DUSP22: variants seen among roughly 807,000 people sequenced by gnomAD.
DUSP22 encodes the protein dual specificity protein phosphatase 22.
DUSP22 carries 24 observed loss-of-function variants against 24.5 expected under a neutral mutation model. That is an observed-to-expected ratio of 0.98 (90% confidence interval 0.71 to 1.38). The LOEUF (loss-of-function observed/expected upper bound fraction) is 1.38. Among genes scored for constraint, DUSP22 ranks in the 40% most tolerant of loss-of-function variants. The pLI is 0.00. For missense variants in DUSP22, 330 were observed against 269.2 expected, an observed-to-expected ratio of 1.23 and a Z score of -1.58; for synonymous variants, 160 against 106.4, an observed-to-expected ratio of 1.50 and a Z score of -3.10.
chr6:336,499 G>T (rs1466671047), intron 4 of DUSP22, among the ~76,000 whole-genome samples: 1 of 152,310 alleles, frequency 6.6e-6, no homozygotes, highest in Non-Finnish European at 1.5e-5. Context: ...CTTCACTGGG[G>T]CAGAGCAGAG....
chr6:322,830 T>TGGGGGGGG (rs61690495), intron 3 of DUSP22, among the ~76,000 whole-genome samples: 4 of 18,800 alleles, frequency 2.1e-4, no homozygotes, highest in Admixed American at 6.1e-4. Context: ...GGCTGCTTGG[T>TGGGGGGGG]GGGGCGGGGG....
intron 3 of DUSP22, among the ~76,000 whole-genome samples, chr6:323,508 T>A (rs1356656245): frequency 6.6e-6 from 1 of 152,310 alleles, no homozygotes; most frequent in African/African-American, 2.4e-5. Context: ...GAGGTCCAAC[T>A]TTTTGTTCTC....
chr6:294,198 A>T (rs1200018132), intron 1 of DUSP22, among the ~76,000 whole-genome samples: 2 of 152,294 alleles, frequency 1.3e-5, no homozygotes, highest in African/African-American at 4.8e-5. Context: ...TACCTTTCAA[A>T]ATGGGTAATA....
intron 5 of DUSP22, among the ~76,000 whole-genome samples, chr6:346,919 G>T (rs1190520861): frequency 6.6e-6 from 1 of 152,304 alleles, no homozygotes; most frequent in Non-Finnish European, 1.5e-5. Context: ...GGCCGATAGG[G>T]ACGACAGGGA....
chr6:327,960 A>C (rs1432685429), intron 3 of DUSP22, among the ~76,000 whole-genome samples: 9 of 152,300 alleles, frequency 5.9e-5, no homozygotes, highest in Admixed American at 6.5e-5. Flanking sequence ...AGCACTGTGA[A>C]AATGGGTCTT....
chr6:305,475 C>T (rs1410630643), intron 2 of DUSP22, among the ~76,000 whole-genome samples: 1 of 152,298 alleles, frequency 6.6e-6, no homozygotes, highest in Non-Finnish European at 1.5e-5. Flanking sequence ...CTTTTTAAGT[C>T]ACCTGGGAAA....
chr6:310,183 A>C (rs1354654215), intron 2 of DUSP22, among the ~76,000 whole-genome samples: 11 of 152,284 alleles, frequency 7.2e-5, no homozygotes, highest in Non-Finnish European at 1.3e-4. Context: ...CTGGTCTCAC[A>C]CTCCTGACCT....
chr6:303,992 G>A (rs756297079), intron 1 of DUSP22, among the ~76,000 whole-genome samples: 1 of 152,310 alleles, frequency 6.6e-6, no homozygotes, highest in Non-Finnish European at 1.5e-5. Context: ...CTGCATATAT[G>A]TGGAGGTTGG....
chr6:322,697 G>A (rs1440838933), intron 3 of DUSP22, among the ~76,000 whole-genome samples: 11 of 152,412 alleles, frequency 7.2e-5, no homozygotes, highest in Non-Finnish European at 1.6e-4. Flanking sequence ...GAGGGAAAGA[G>A]TGTTTCTTGT....
intron 3 of DUSP22, among the ~76,000 whole-genome samples, 192 bp downstream of exon 3, chr6:312,154 T>C (rs1271407539): frequency 6.6e-6 from 1 of 152,310 alleles, no homozygotes; most frequent in East Asian, 1.9e-4. Context: ...GGTGTGTGCT[T>C]TTTCTGATCA....
chr6:306,943 G>C (rs367734972), intron 2 of DUSP22, among the ~76,000 whole-genome samples: 2 of 152,304 alleles, frequency 1.3e-5, no homozygotes, highest in East Asian at 1.9e-4. Context: ...TGATGCCCTC[G>C]GTGGGCTCAG....
Position 348,868 on chromosome 6 carries a change from G to A in DUSP22, c.535G>A (p.Glu179Lys). 7 of 1,614,284 alleles carry A rather than the reference G, an allele frequency of 4.3e-6. No homozygotes were observed. Among genetic ancestry groups the A allele is most frequent in the Non-Finnish European group, 5.9e-6 (7 of 1,180,046 alleles). Residue 179 changes from glutamate to lysine, a missense_variant, in exon 7 of 7, where the codon GAG (glutamate) becomes AAG (lysine). By Grantham distance (56) the Glu-to-Lys change is moderately conservative (BLOSUM62 1). Coordinates refer to ENST00000419235, the MANE Select transcript of DUSP22 (RefSeq NM_001286555.3). ...TAAATATAAGGAGCAAGGGCGCACA[G>A]AGCCCCAGCCCGGCGCCAGGCGGTG... Reference protein sequence around the residue: ...LGKYKEQGRTEPQPGARRWSS... With the variant: ...LGKYKEQGRTKPQPGARRWSS...
At chr6:306,741 C>T (rs552418081) in intron 2 of DUSP22, among the ~76,000 whole-genome samples, 41 of 152,390 alleles carry the variant, frequency 2.7e-4, no homozygotes, top group Admixed American at 2.2e-3. Context: ...ACAAGCTTAT[C>T]GGGAACACAC....
intron 3 of DUSP22, among the ~76,000 whole-genome samples, chr6:315,163 T>C (rs1216360095): frequency 6.6e-6 from 1 of 152,292 alleles, no homozygotes; most frequent in Admixed American, 6.5e-5. Flanking sequence ...GAAGAGTAGC[T>C]AAGGGGTAGA....
chr6:309,540 T>C (rs902173154), intron 2 of DUSP22, among the ~76,000 whole-genome samples: 19 of 152,416 alleles, frequency 1.2e-4, no homozygotes, highest in East Asian at 5.8e-4. Flanking sequence ...CGTTGCTGAA[T>C]GTTTAGAACA....
At chr6:302,848 A>T (rs556115534) in intron 1 of DUSP22, among the ~76,000 whole-genome samples, 3 of 152,426 alleles carry the variant, frequency 2.0e-5, no homozygotes, top group African/African-American at 7.2e-5. Context: ...ACAAGGGTGG[A>T]TGGAAAGCCA....
At chr6:321,597 TGAAA>T (rs1758591697) in intron 3 of DUSP22, among the ~76,000 whole-genome samples, 1 of 152,150 alleles carries the variant, frequency 6.6e-6, no homozygotes, top group Admixed American at 6.5e-5. Flanking sequence ...AAGTTGAAAA[TGAAA>T]GAAGGGGAAA....
intron 3 of DUSP22, among the ~76,000 whole-genome samples, chr6:330,684 G>A (rs1759100701): frequency 6.6e-6 from 1 of 152,302 alleles, no homozygotes; most frequent in African/African-American, 2.4e-5. Context: ...TTGAGAAGAT[G>A]GACTCAGGCA....
In DUSP22 at chr6:351,038, T is replaced by C. The variant is rs1027588096; in HGVS notation, c.*2087T>C. The C allele has an allele frequency of 3.0e-5, 31 of 1,034,930 alleles. No individual in the cohort carries two copies. In the African/African-American group the frequency reaches 4.7e-4, roughly 16 times the overall value. 64.1% of individuals were successfully genotyped at this position (1,034,930 alleles called of 1,614,324 possible). A position where few individuals can be genotyped will look rare whatever the true frequency, so the allele number is the denominator to read the frequency against. On this transcript the variant is annotated 3_prime_UTR_variant, in exon 7 of 7. Coordinates refer to ENST00000419235, the MANE Select transcript of DUSP22 (RefSeq NM_001286555.3). ...TATGTTGAGAACTAAGGATATTCTTTAGCAAGAGAAAATATTTTCCCCTTA... is the reference window on the plus strand; with the variant it reads ...TATGTTGAGAACTAAGGATATTCTTCAGCAAGAGAAAATATTTTCCCCTTA...
Sources: gnomAD v4.1 joint callset for allele counts (sites outside exome capture counted in the v4.1 genomes callset) on GRCh38, gnomAD v4.1.1 for gene constraint, MANE v1.5 for transcripts, NCBI Gene and HGNC (gene_info 2026-07-23, HGNC 2026-07-21) for gene names.